Variants in CTNNA2 observed in about 807,000 individuals in gnomAD.
CTNNA2 encodes the protein catenin alpha 2.
In CTNNA2, 42 loss-of-function variants were observed where a neutral mutation model predicts 101.0. That is an observed-to-expected ratio of 0.42 (90% CI 0.32 to 0.54). The LOEUF (loss-of-function observed/expected upper bound fraction) is 0.54. CTNNA2 is among the 20% of genes least tolerant of loss of function. The pLI is 0.14. For missense variants in CTNNA2, 871 were observed against 1,223.1 expected (o/e 0.71, Z 4.29); for synonymous variants, 450 against 456.4 (o/e 0.99, Z 0.18).
At chr2:80,187,156 G>A (rs920400769) in intron 7 of CTNNA2, among the ~76,000 whole-genome samples, 1 of 152,108 alleles carries the variant, frequency 6.6e-6, no homozygotes, top group African/African-American at 2.4e-5. Flanking sequence ...TATCTCATAT[G>A]GTCCAATGCA....
chr2:80,512,063 T>A (rs1485619601), intron 9 of CTNNA2, among the ~76,000 whole-genome samples: 1 of 143,176 alleles, frequency 7.0e-6, no homozygotes, highest in African/African-American at 2.6e-5. Flanking sequence ...GGCAGGAGAA[T>A]CGCTTGAACC....
chr2:79,458,138 C>G (rs867892695), intron 4 of CTNNA2, among the ~76,000 whole-genome samples: 11 of 152,190 alleles, frequency 7.2e-5, no homozygotes, highest in South Asian at 2.1e-4. Flanking sequence ...GAACCAAAGC[C>G]CCAATAGAAG....
chr2:80,490,555 A>G lies in CTNNA2; in HGVS notation c.1291-54427A>G, dbSNP rs147263180. Among the ~76,000 whole-genome samples, 501 of 152,286 alleles carry G rather than the reference A, an allele frequency of 3.3e-3. 1 individual carries two copies. Among genetic ancestry groups the G allele is most frequent in the African/African-American group, 0.012 (478 of 41,554 alleles). On this transcript the variant is annotated intron_variant, in intron 9 of 18. Coordinates refer to ENST00000402739, the MANE Select transcript of CTNNA2 (RefSeq NM_001282597.3). The stretch of plus-strand genomic sequence containing the variant: ...AACTACTCTTTGTCTGTGGGATTAT[A>G]CAAAAACAGGCCTTGGGCCAGATTT...
chr2:79,876,569 G>A (rs1251291272), intron 6 of CTNNA2, among the ~76,000 whole-genome samples: 1 of 152,182 alleles, frequency 6.6e-6, no homozygotes, highest in African/African-American at 2.4e-5. Flanking sequence ...ATGAAGCACA[G>A]AGAGAAGGCC....
Position 80,244,703 on chromosome 2 carries a change from G to A in CTNNA2, c.1057-148508G>A, listed in dbSNP as rs996057535. ...AACCACAATTATTTTTGCATCAACC[G>A]AATACTTCTCTCATTTCGTACATCT... On this transcript the variant is annotated intron_variant, in intron 7 of 18. Transcript: ENST00000402739. Among the ~76,000 whole-genome samples, 4 of 152,154 alleles carry A rather than the reference G, an allele frequency of 2.6e-5. No individual in the cohort carries two copies. In the East Asian group the frequency reaches 5.8e-4, roughly 22 times the overall value.
intron 7 of CTNNA2, among the ~76,000 whole-genome samples, chr2:80,060,959 A>G (rs1382177944): frequency 6.6e-6 from 1 of 152,074 alleles, no homozygotes; most frequent in East Asian, 1.9e-4. Context: ...ACAGCTCCAA[A>G]GGGCCACCCC....
chr2:79,967,326 T>A (rs1026956408), intron 7 of CTNNA2, among the ~76,000 whole-genome samples: 7 of 151,922 alleles, frequency 4.6e-5, no homozygotes, highest in African/African-American at 1.7e-4. Flanking sequence ...AACTTAGGAG[T>A]TGTGCTTGCC....
chr2:79,980,680 G>A (rs1044531353), intron 7 of CTNNA2, among the ~76,000 whole-genome samples: 1 of 152,052 alleles, frequency 6.6e-6, no homozygotes, highest in Non-Finnish European at 1.5e-5. Context: ...GCTATAGTGT[G>A]AATTTGTCTT....
intron 3 of CTNNA2, among the ~76,000 whole-genome samples, chr2:79,794,026 G>A (rs1482741443): frequency 2.0e-5 from 3 of 151,834 alleles, no homozygotes; most frequent in African/African-American, 7.3e-5. Context: ...TACAAATTGC[G>A]TTAAGTGTGT....
intron 7 of CTNNA2, among the ~76,000 whole-genome samples, chr2:80,075,622 AAATATTTATACATGTATAAATATT>A (rs1698656512): frequency 1.8e-5 from 1 of 55,664 alleles, no homozygotes; most frequent in African/African-American, 7.4e-5. Context: ...GTATAAATAT[AAATATTTATACATGTATAAATATT>A]ATAAAAATAA....
intron 2 of CTNNA2, among the ~76,000 whole-genome samples, chr2:79,690,661 T>A (rs564191341): frequency 1.3e-4 from 20 of 151,966 alleles, no homozygotes; most frequent in African/African-American, 4.8e-4. Context: ...ATTTTGCAGA[T>A]GAGAAAGGAA....
At chr2:79,889,265 A>G (rs1684129087) in intron 6 of CTNNA2, among the ~76,000 whole-genome samples, 1 of 152,220 alleles carries the variant, frequency 6.6e-6, no homozygotes, top group East Asian at 1.9e-4. Flanking sequence ...GTATTTCCTG[A>G]ACTTCTTTTC....
intron 7 of CTNNA2, among the ~76,000 whole-genome samples, chr2:79,995,032 G>A (rs1692447132): frequency 6.6e-6 from 1 of 152,118 alleles, no homozygotes; most frequent in Non-Finnish European, 1.5e-5. Flanking sequence ...CACAATATGG[G>A]GACAGCTGAT....
intron 12 of CTNNA2, among the ~76,000 whole-genome samples, chr2:80,572,140 A>G (rs148910676): frequency 1.1e-3 from 166 of 152,236 alleles, no homozygotes; most frequent in Middle Eastern, 0.01. Context: ...GAAGGGTACC[A>G]TTGTGTCTGC....
intron 7 of CTNNA2, among the ~76,000 whole-genome samples, chr2:80,247,031 T>C (rs538884156): frequency 1.3e-5 from 2 of 152,276 alleles, no homozygotes; most frequent in South Asian, 4.2e-4. Context: ...TGATAGAATG[T>C]CGTTTAGTGA....
At chr2:79,519,493 A>G (rs1461051780) in intron 1 of CTNNA2, among the ~76,000 whole-genome samples, 1 of 152,152 alleles carries the variant, frequency 6.6e-6, no homozygotes, top group African/African-American at 2.4e-5. Flanking sequence ...GTGATTAAAT[A>G]AGCCTCAAAC....
At chr2:80,355,006 T>A (rs1437016504) in intron 7 of CTNNA2, among the ~76,000 whole-genome samples, 2 of 152,146 alleles carry the variant, frequency 1.3e-5, no homozygotes, top group Admixed American at 6.6e-5. Flanking sequence ...GGTGTTTATT[T>A]TTCTGCCTCC....
chr2:80,547,185 G>C lies in CTNNA2; in HGVS notation c.1540+1122G>C, dbSNP rs149120659. The stretch of plus-strand genomic sequence containing the variant: ...CTGGGGCTTGTCTGAGAACTGTGTA[G>C]TCAAATCTGTAGATTTGATGGATAA... On this transcript the variant is annotated intron_variant, in intron 11 of 18. Coordinates refer to ENST00000402739, the MANE Select transcript of CTNNA2 (RefSeq NM_001282597.3). Among the ~76,000 whole-genome samples the C allele has an allele frequency of 1.9e-3, 289 of 152,278 alleles. 3 individuals carry two copies. Among genetic ancestry groups the C allele is most frequent in the African/African-American group, 6.6e-3 (275 of 41,542 alleles).
At chr2:80,595,404 T>C (rs1206119978) in intron 15 of CTNNA2, among the ~76,000 whole-genome samples, 2 of 152,198 alleles carry the variant, frequency 1.3e-5, no homozygotes, top group Non-Finnish European at 2.9e-5. Context: ...TGTAAGATCA[T>C]GTCACCTGTT....
Sources: gnomAD v4.1 joint callset for allele counts (sites outside exome capture counted in the v4.1 genomes callset) on GRCh38, gnomAD v4.1.1 for gene constraint, MANE v1.5 for transcripts, NCBI Gene and HGNC (gene_info 2026-07-23, HGNC 2026-07-21) for gene names.